Variants in WWOX observed in about 807,000 individuals in gnomAD.
WWOX encodes the protein WW domain-containing oxidoreductase.
In WWOX, 69 loss-of-function variants were observed where a neutral mutation model predicts 46.2. The observed-to-expected ratio is 1.49, with a 90% CI of 1.23 to 1.82. WWOX has a LOEUF of 1.82. Ranked by LOEUF, WWOX falls within the 40% of genes most tolerant of loss-of-function variation. The pLI, the probability that WWOX is intolerant of heterozygous loss-of-function variation, is 0.00. For missense variants in WWOX, 919 were observed against 542.6 expected (o/e 1.69, Z -6.89); for synonymous variants, 359 against 202.6 (o/e 1.77, Z -6.56).
intron 8 of WWOX, among the ~76,000 whole-genome samples, chr16:78,675,886 T>A (rs2047586349): frequency 6.6e-6 from 1 of 152,030 alleles, no homozygotes; most frequent in South Asian, 2.1e-4. Flanking sequence ...GCATACTCAT[T>A]ATAGAAAATT....
chr16:78,696,776 C>T (rs940613124), intron 8 of WWOX, among the ~76,000 whole-genome samples: 6 of 151,990 alleles, frequency 3.9e-5, no homozygotes, highest in South Asian at 4.1e-4. Flanking sequence ...GAGCAGTATA[C>T]ACTGCATCCA....
intron 8 of WWOX, among the ~76,000 whole-genome samples, chr16:79,082,760 G>A (rs185808238): frequency 6.6e-6 from 1 of 152,274 alleles, no homozygotes; most frequent in East Asian, 1.9e-4. Flanking sequence ...GAGAAGGGAC[G>A]TGTAGGGAAG....
intron 8 of WWOX, among the ~76,000 whole-genome samples, chr16:78,631,786 A>C (rs1393402038): frequency 2.6e-5 from 4 of 152,166 alleles, no homozygotes; most frequent in African/African-American, 9.7e-5. Flanking sequence ...TGGGTCTCCC[A>C]AAGTGTTGGG....
Position 78,349,254 on chromosome 16 carries a change from A to G in WWOX, c.517-37606A>G, listed in dbSNP as rs1444170559. ...TTTGAAGGACACCACTCAGATTGCA[A>G]TAGGACCTGCCCTGATAGCCTCATT... On this transcript the variant is annotated intron_variant, in intron 5 of 8. Coordinates refer to ENST00000566780, the MANE Select transcript of WWOX (RefSeq NM_016373.4). Among the ~76,000 whole-genome samples, 2 of 119,796 alleles carry G rather than the reference A, an allele frequency of 1.7e-5. 1 individual carries two copies. Among genetic ancestry groups the G allele is most frequent in the Non-Finnish European group, 4.0e-5 (2 of 50,326 alleles). The allele number at this position is 119,796 out of a possible 152,430, so 78.6% of individuals were successfully genotyped here.
chr16:79,101,504 A>G (rs1282286876), intron 8 of WWOX: 1 of 152,154 alleles, frequency 6.6e-6, no homozygotes, highest in Non-Finnish European at 1.5e-5. Flanking sequence ...CCCTATTCCC[A>G]TATCCCAGCC....
chr16:79,171,601 C>T (rs1041561030), intron 8 of WWOX, among the ~76,000 whole-genome samples: 1 of 152,142 alleles, frequency 6.6e-6, no homozygotes, highest in Non-Finnish European at 1.5e-5. Flanking sequence ...TACAAATGCT[C>T]TTCAAGAGTA....
intron 8 of WWOX, among the ~76,000 whole-genome samples, chr16:78,799,711 C>G (rs1007979987): frequency 2.0e-5 from 3 of 152,044 alleles, no homozygotes; most frequent in Non-Finnish European, 4.4e-5. Context: ...CTAATATTGT[C>G]CAAAAACCTT....
intron 8 of WWOX, among the ~76,000 whole-genome samples, chr16:78,939,180 T>C (rs2045802578): frequency 6.6e-6 from 1 of 152,022 alleles, no homozygotes; most frequent in Admixed American, 6.6e-5. Flanking sequence ...CCCAGAACAG[T>C]TTATATAATC....
chr16:78,988,623 T>C (rs571277159), intron 8 of WWOX, among the ~76,000 whole-genome samples: 1 of 152,272 alleles, frequency 6.6e-6, no homozygotes, highest in African/African-American at 2.4e-5. Context: ...AGAAACCAGA[T>C]GGCAAAAGGA....
chr16:78,191,912 C>T (rs1487635435), intron 5 of WWOX, among the ~76,000 whole-genome samples: 1 of 152,174 alleles, frequency 6.6e-6, no homozygotes, highest in African/African-American at 2.4e-5. Context: ...AATCTATTTT[C>T]ATTACATTGA....
intron 5 of WWOX, among the ~76,000 whole-genome samples, chr16:78,327,588 A>C (rs1179503904): frequency 1.3e-5 from 2 of 152,156 alleles, no homozygotes; most frequent in Admixed American, 6.5e-5. Context: ...CCTTCACTCC[A>C]ACTCCCACTG....
intron 8 of WWOX, among the ~76,000 whole-genome samples, chr16:78,576,050 G>A (rs990905366): frequency 6.6e-6 from 1 of 151,912 alleles, no homozygotes; most frequent in African/African-American, 2.4e-5. Context: ...AGAATATATG[G>A]AAATCTTTTC....
chr16:78,726,168 T>C (rs2048831509), intron 8 of WWOX, among the ~76,000 whole-genome samples: 1 of 146,982 alleles, frequency 6.8e-6, no homozygotes, highest in African/African-American at 2.5e-5. Context: ...TTTCTGTGTC[T>C]CTCTTTTCTC....
At chr16:78,294,936 C>G (rs992274714) in intron 5 of WWOX, among the ~76,000 whole-genome samples, 1 of 152,176 alleles carries the variant, frequency 6.6e-6, no homozygotes, top group Non-Finnish European at 1.5e-5. Context: ...CAAGGAGATA[C>G]GCGACTTTCT....
At chr16:78,513,638 G>A (rs1266779679) in intron 8 of WWOX, among the ~76,000 whole-genome samples, 2 of 152,158 alleles carry the variant, frequency 1.3e-5, no homozygotes, top group African/African-American at 4.8e-5. Flanking sequence ...GAGTCCCACT[G>A]ATACTTACAA....
intron 4 of WWOX, among the ~76,000 whole-genome samples, chr16:78,158,745 T>C (rs7185712): frequency 0.45 from 67,745 of 151,854 alleles, 15,106 homozygotes; most frequent in East Asian, 0.51. Flanking sequence ...GTATGATTGA[T>C]GTACAAAAAG....
intron 5 of WWOX, among the ~76,000 whole-genome samples, chr16:78,356,093 A>AAAAAAAAAG (rs2081282672): frequency 1.5e-5 from 1 of 65,528 alleles, no homozygotes; most frequent in Non-Finnish European, 3.3e-5. Flanking sequence ...AAAAAAAAAA[A>AAAAAAAAAG]GAAGAATCGA....
chr16:78,150,571 C>T (rs1433351273), intron 4 of WWOX, among the ~76,000 whole-genome samples: 2 of 152,100 alleles, frequency 1.3e-5, no homozygotes, highest in Admixed American at 6.5e-5. Flanking sequence ...TTATTAGAGA[C>T]GAGGTCTCAA....
intron 8 of WWOX, among the ~76,000 whole-genome samples, chr16:78,456,108 C>G (rs2083810939): frequency 6.6e-6 from 1 of 152,130 alleles, no homozygotes; most frequent in South Asian, 2.1e-4. Context: ...GGATTCAAGC[C>G]CCTTGCAACG....
Sources: gnomAD v4.1 joint callset for allele counts (sites outside exome capture counted in the v4.1 genomes callset) on GRCh38, gnomAD v4.1.1 for gene constraint, MANE v1.5 for transcripts, NCBI Gene and HGNC (gene_info 2026-07-23, HGNC 2026-07-21) for gene names.